The following KIAA0825 variants were observed in gnomAD, a reference collection of about 807,000 sequenced individuals.
KIAA0825 encodes the protein KIAA0825.
In KIAA0825, 119 loss-of-function variants were observed where a neutral mutation model predicts 147.6. The ratio of observed to expected loss-of-function variants is 0.81; its 90% CI spans 0.69 to 0.94. KIAA0825 has a LOEUF of 0.94. Ranked by LOEUF, KIAA0825 falls within the 40% of genes least tolerant of loss-of-function variation. The pLI, the probability that KIAA0825 is intolerant of heterozygous loss-of-function variation, is 0.00. For synonymous variants in KIAA0825, 470 were observed against 518.1 expected, an observed-to-expected ratio of 0.91 and a Z score of 1.26; for missense variants, 1,381 against 1,472.7, an observed-to-expected ratio of 0.94 and a Z score of 1.02.
intron 15 of KIAA0825, among the ~76,000 whole-genome samples, chr5:94,405,080 G>C (rs923943989): frequency 6.6e-6 from 1 of 152,072 alleles, no homozygotes; most frequent in Non-Finnish European, 1.5e-5. Flanking sequence ...CCTTAGAAAG[G>C]GGCTCAGTGA....
At chr5:94,159,842 C>T (rs1456024095) in intron 20 of KIAA0825, among the ~76,000 whole-genome samples, 1 of 152,110 alleles carries the variant, frequency 6.6e-6, no homozygotes, top group Non-Finnish European at 1.5e-5. Flanking sequence ...GTAACTTAAG[C>T]CTCCTGTTTA....
intron 3 of KIAA0825, among the ~76,000 whole-genome samples, chr5:94,530,022 G>C (rs1180484008): frequency 2.0e-5 from 3 of 152,060 alleles, no homozygotes; most frequent in Non-Finnish European, 4.4e-5. Context: ...TGTAATCCCA[G>C]CAGTTTGGGA....
chr5:94,263,808 C>G (rs781153045), intron 20 of KIAA0825, among the ~76,000 whole-genome samples: 18 of 152,278 alleles, frequency 1.2e-4, no homozygotes, highest in Non-Finnish European at 2.4e-4. Flanking sequence ...TTTGTAACTA[C>G]TGTTTTCCAG....
chr5:94,254,527 T>C (rs921420420), intron 20 of KIAA0825, among the ~76,000 whole-genome samples: 12 of 152,162 alleles, frequency 7.9e-5, no homozygotes, highest in African/African-American at 1.4e-4. Context: ...TTTGTGACAA[T>C]TGTACAAAAA....
At chr5:94,384,926 A>G (rs1005509205) in intron 19 of KIAA0825, among the ~76,000 whole-genome samples, 10 of 152,170 alleles carry the variant, frequency 6.6e-5, no homozygotes, top group Non-Finnish European at 2.9e-5. Flanking sequence ...TATTAATGTT[A>G]CCTTTTTGGT....
chr5:94,537,824 A>G (rs1772396301), intron 2 of KIAA0825, among the ~76,000 whole-genome samples: 1 of 152,070 alleles, frequency 6.6e-6, no homozygotes. Context: ...ACCTTTGTCA[A>G]TATACTCACC....
At chr5:94,483,847 T>C (rs987531650) in intron 6 of KIAA0825, among the ~76,000 whole-genome samples, 1 of 151,674 alleles carries the variant, frequency 6.6e-6, no homozygotes, top group African/African-American at 2.4e-5. Context: ...GAAAATAATT[T>C]TACCAAGAGA....
intron 3 of KIAA0825, among the ~76,000 whole-genome samples, chr5:94,527,583 C>T (rs911879672): frequency 6.6e-6 from 1 of 151,892 alleles, no homozygotes; most frequent in Admixed American, 6.6e-5. Flanking sequence ...TATGGAAAAC[C>T]CAAAATTTAA....
At chr5:94,520,113 C>T in intron 5 of KIAA0825, 135 bp downstream of exon 5, 3 of 1,224,136 alleles carry the variant, frequency 2.5e-6, no homozygotes. Context: ...GAAATGTATA[C>T]TGCAAAATTT....
intron 5 of KIAA0825, among the ~76,000 whole-genome samples, chr5:94,511,911 C>T (rs1228131628): frequency 6.6e-6 from 1 of 152,008 alleles, no homozygotes; most frequent in African/African-American, 2.4e-5. Context: ...ATTGCTTGAA[C>T]CCAGGAGGCG....
chr5:94,254,829 T>C (rs1294503299), intron 20 of KIAA0825, among the ~76,000 whole-genome samples: 1 of 152,050 alleles, frequency 6.6e-6, no homozygotes, highest in Admixed American at 6.6e-5. Flanking sequence ...TCTGCCTCTA[T>C]GGAAACAGTC....
intron 2 of KIAA0825, among the ~76,000 whole-genome samples, chr5:94,554,084 C>T (rs1776073307): frequency 6.6e-6 from 1 of 152,146 alleles, no homozygotes; most frequent in South Asian, 2.1e-4. Context: ...ATAAAATGTG[C>T]GGCAGCAAGA....
intron 20 of KIAA0825, among the ~76,000 whole-genome samples, chr5:94,175,645 A>G (rs1009239478): frequency 1.1e-4 from 16 of 152,288 alleles, no homozygotes; most frequent in African/African-American, 3.9e-4. Context: ...CTAACTTCAA[A>G]TGTAACAGTT....
intron 2 of KIAA0825, among the ~76,000 whole-genome samples, chr5:94,578,082 G>A (rs965597725): frequency 2.6e-5 from 4 of 152,166 alleles, no homozygotes; most frequent in African/African-American, 7.2e-5. Flanking sequence ...ACTCTTAACA[G>A]CAAAGATATC....
intron 20 of KIAA0825, among the ~76,000 whole-genome samples, chr5:94,320,896 C>T (rs1404117404): frequency 1.3e-5 from 2 of 151,962 alleles, no homozygotes; most frequent in African/African-American, 2.4e-5. Context: ...CTCAACCAGC[C>T]TGATTCTTCA....
intron 20 of KIAA0825, among the ~76,000 whole-genome samples, chr5:94,335,648 A>G (rs1407952597): frequency 1.3e-5 from 2 of 152,146 alleles, no homozygotes; most frequent in African/African-American, 4.8e-5. Flanking sequence ...CACAAGAGTT[A>G]AAACCTAAAT....
At chr5:94,362,038 T>G (rs574504778) in intron 20 of KIAA0825, among the ~76,000 whole-genome samples, 1 of 152,350 alleles carries the variant, frequency 6.6e-6, no homozygotes, top group South Asian at 2.1e-4. Context: ...CTAGCACATC[T>G]TGTCTGAAGA....
intron 20 of KIAA0825, among the ~76,000 whole-genome samples, chr5:94,264,508 T>C (rs1776653389): frequency 6.6e-6 from 1 of 152,198 alleles, no homozygotes; most frequent in Non-Finnish European, 1.5e-5. Flanking sequence ...TTTCCCAGTA[T>C]AATTTTTTCT....
rs112452923 is a variant in KIAA0825 at position 94,363,867 on chromosome 5, T to TA, written c.3710+20500dup. On this transcript the variant is annotated intron_variant, in intron 20 of 20. Coordinates refer to ENST00000682413, the MANE Select transcript of KIAA0825 (RefSeq NM_001145678.3). ...AGGGTGACAGAGCAAGATTTATCTC[T>TA]AAAAAAAAAAATTCAATAAATGAAT... Among the ~76,000 whole-genome samples the TA allele has an allele frequency of 8.3e-3, 1,229 of 147,304 alleles. 21 individuals are homozygous for TA. The highest frequency in any genetic ancestry group is 0.029 in the African/African-American group (1,160 of 40,318).
Sources: allele counts gnomAD v4.1 joint callset (sites outside exome capture counted in the v4.1 genomes callset), GRCh38; gene constraint gnomAD v4.1.1; transcripts MANE v1.5; gene names NCBI Gene and HGNC (gene_info 2026-07-23, HGNC 2026-07-21).